Variants in TNS4 observed in about 807,000 individuals in gnomAD.
The protein encoded by TNS4 is tensin 4.
TNS4 carries 46 observed loss-of-function variants against 70.4 expected under a neutral mutation model. That is an observed-to-expected ratio of 0.65 (90% CI 0.52 to 0.84). The LOEUF is 0.84. Among genes scored for constraint, TNS4 ranks in the 40% least tolerant of loss-of-function variants. The pLI is 0.00. For missense variants in TNS4, 863 were observed against 907.0 expected, an observed-to-expected ratio of 0.95 and a Z score of 0.62; for synonymous variants, 390 against 366.6, an observed-to-expected ratio of 1.06 and a Z score of -0.73.
Position 40,488,686 on chromosome 17 carries a change from C to A in TNS4, c.723G>T (p.Ser241=). The change falls in exon 3 of 13, where the codon TCG becomes TCT. Residue 241 remains serine (S), a synonymous_variant. Coordinates refer to ENST00000254051, the MANE Select transcript of TNS4 (RefSeq NM_032865.6). ...GCGGGGAGCCCAAACCATGGGGGCT[C>A]GAGGCCTTGCTCCCCATGCAAGGGA... is the stretch of plus-strand genomic sequence containing the variant. ...ISIPCMGSKA[S]SPHGLGSPLV... 6.3e-7 allele frequency: 1 copy of A among 1,577,326 alleles called. No individual in the cohort carries two copies.
intron 2 of TNS4, among the ~76,000 whole-genome samples, chr17:40,491,069 G>C (rs527599647): frequency 8.5e-5 from 13 of 152,320 alleles, no homozygotes; most frequent in African/African-American, 2.9e-4. Context: ...GAAGAAAAGA[G>C]ATCTTGGAAT....
At chr17:40,482,751 C>A (rs971091500) in intron 6 of TNS4, among the ~76,000 whole-genome samples, 2 of 151,766 alleles carry the variant, frequency 1.3e-5, no homozygotes, top group African/African-American at 4.8e-5. Context: ...GCACTCCAGC[C>A]TGGGTGACAC....
intron 2 of TNS4, 110 bp from the exon 3 acceptor site, chr17:40,489,079 C>G (rs34879399): frequency 1.9e-6 from 2 of 1,073,006 alleles, no homozygotes; most frequent in East Asian, 2.6e-5. Context: ...TTTATAGAGA[C>G]GAGGACACTG....
rs1393994213 is a variant in TNS4, at chr17:40,478,330, C to T, written c.1983G>A (p.Trp661Ter). 5.6e-6 allele frequency: 9 copies of T among 1,609,760 alleles called. No homozygotes were observed. In the Admixed American group the frequency reaches 6.9e-5, roughly 12 times the overall value. The change falls in exon 12 of 13, where the codon TGG (tryptophan) becomes TGA (stop). Residue 661 changes from tryptophan (W) to a stop codon, truncating the protein, a stop_gained. Transcript: ENST00000254051. LOFTEE classifies it high-confidence loss of function. ...FCGMDPEQRK[W>*]QKYCKPSWIF... ...ACCAGGAGGGTTTGCAGTACTTCTGCCACCTGTAGGAAAAGAACATGATAC... is the reference window on the plus strand; with the variant it reads ...ACCAGGAGGGTTTGCAGTACTTCTGTCACCTGTAGGAAAAGAACATGATAC...
chr17:40,478,140 A>G lies in TNS4; in HGVS notation c.2006+167T>C. On this transcript the variant is annotated intron_variant, in intron 12 of 12. Transcript: ENST00000254051. ...GCTCATGTCACCCCCAACAGCCCAG[A>G]GGCTCTGAGGGCAGTCAAAGTCTTT... 4.8e-6 allele frequency: 4 copies of G among 839,738 alleles called. No homozygotes were observed. In the South Asian group the frequency reaches 6.2e-5, roughly 13 times the overall value. The allele number at this position is 839,738 out of a possible 1,614,324, so 52.0% of individuals were successfully genotyped here. A position where few individuals can be genotyped will look rare whatever the true frequency, so the allele number is the denominator to read the frequency against.
At chr17:40,481,516 C>G (rs996129507) in intron 8 of TNS4, among the ~76,000 whole-genome samples, 1 of 152,198 alleles carries the variant, frequency 6.6e-6, no homozygotes, top group South Asian at 2.1e-4. Flanking sequence ...AGGCGCCCAC[C>G]ACCACGCCCA....
At chr17:40,492,758 A>G (rs373913365) in intron 2 of TNS4, among the ~76,000 whole-genome samples, 4 of 151,970 alleles carry the variant, frequency 2.6e-5, no homozygotes, top group Non-Finnish European at 5.9e-5. Flanking sequence ...CCAGGTTGGC[A>G]GGGCATGGTG....
chr17:40,498,763 G>A lies in TNS4; in HGVS notation c.-95-2243C>T, dbSNP rs542940349. Among the ~76,000 whole-genome samples, 27 of 152,256 alleles carry A rather than the reference G, an allele frequency of 1.8e-4. 1 individual carries two copies. In the South Asian group the frequency reaches 5.6e-3, roughly 32 times the overall value. On this transcript the variant is annotated intron_variant, in intron 1 of 12. Transcript: ENST00000254051. ...AGGGTCTCACTTTGTTGCCCAGGCTGGTCTTGAACTCCTGGGCTCAAGTGC... is the reference window on the plus strand; with the variant it reads ...AGGGTCTCACTTTGTTGCCCAGGCTAGTCTTGAACTCCTGGGCTCAAGTGC...
chr17:40,486,925 G>T, intron 4 of TNS4, 111 bp downstream of exon 4: 1 of 1,393,058 alleles, frequency 7.2e-7, no homozygotes, highest in South Asian at 1.3e-5. Context: ...CATAGTGCCA[G>T]ACACACAATA....
intron 1 of TNS4, among the ~76,000 whole-genome samples, chr17:40,500,922 C>T (rs1034852702): frequency 1.3e-5 from 2 of 152,070 alleles, no homozygotes; most frequent in East Asian, 1.9e-4. Context: ...GCTCCCAGAG[C>T]GCTGGGAGGC....
chr17:40,480,661 C>T, intron 9 of TNS4, 39 bp downstream of exon 9: 1 of 1,480,020 alleles, frequency 6.8e-7, no homozygotes, highest in Non-Finnish European at 8.9e-7. Context: ...CCTCTTGGGG[C>T]ACAGCCAAGC....
Position 40,496,130 on chromosome 17 carries a change from T to G in TNS4, c.296A>C (p.Asp99Ala). The G allele has an allele frequency of 6.2e-7, 1 of 1,609,810 alleles. No homozygotes were observed. The highest frequency in any genetic ancestry group is 8.5e-7 in the Non-Finnish European group (1 of 1,178,400). ...GTPEDLDSYI[D>A]FSLESLNQMI... ...CTGATTGAGGCTCTCCAGTGAGAAG[T>G]CAATGTAGGAGTCAAGGTCCTCTGG... The change falls in exon 2 of 13, where the codon GAC becomes GCC. Residue 99 changes from aspartate to alanine, a missense_variant. Asp to Ala is a moderately radical substitution (Grantham distance 126). Transcript: ENST00000254051.
At position 40,488,956 on chromosome 17, in the gene TNS4, G is replaced by A. The variant is rs191899411; in HGVS notation, c.453C>T (p.Ile151=). The A allele has an allele frequency of 5.1e-6, 8 of 1,583,666 alleles. No homozygotes were observed. The highest frequency in any genetic ancestry group is 1.9e-5 in the Admixed American group (1 of 53,350). Residue 151 remains isoleucine, a synonymous_variant, in exon 3 of 13, where the codon ATC becomes ATT. Transcript: ENST00000254051. ...ACCTTGATCTGGCGGAGGTCACCTCGATGTACTTTATGTCTTTGGGGGAGA... is the reference window on the plus strand; with the variant it reads ...ACCTTGATCTGGCGGAGGTCACCTCAATGTACTTTATGTCTTTGGGGGAGA... ...EESEALDIKY[I]EVTSARSRCH... is the part of the protein sequence containing the mutation.
chr17:40,500,256 G>A (rs574851242), intron 1 of TNS4, among the ~76,000 whole-genome samples: 63 of 152,336 alleles, frequency 4.1e-4, no homozygotes, highest in African/African-American at 1.4e-3. Flanking sequence ...GGACAGACCT[G>A]GAGCTGAGCA....
chr17:40,480,675 G>A, intron 9 of TNS4, 25 bp downstream of exon 9: 1 of 1,497,600 alleles, frequency 6.7e-7, no homozygotes, highest in Non-Finnish European at 8.9e-7. Context: ...GCCAAGCTTG[G>A]CGCCTCCCTT....
At chr17:40,494,953 T>C (rs760001530) in intron 2 of TNS4, among the ~76,000 whole-genome samples, 18 of 151,926 alleles carry the variant, frequency 1.2e-4, no homozygotes, top group Admixed American at 2.6e-4. Context: ...TTGATCCTCA[T>C]CAAGAGCATA....
intron 2 of TNS4, 100 bp from the exon 3 acceptor site, chr17:40,489,069 T>C: frequency 8.3e-7 from 1 of 1,207,578 alleles, no homozygotes; most frequent in African/African-American, 1.5e-5. Context: ...TCCCCCCTCT[T>C]TTATAGAGAC....
Position 40,480,771 on chromosome 17 carries a change from G to T in TNS4, c.1673-3C>A, listed in dbSNP as rs755557940. The T allele has an allele frequency of 3.1e-6, 5 of 1,602,228 alleles. No homozygotes were observed. The highest frequency in any genetic ancestry group is 4.3e-6 in the Non-Finnish European group (5 of 1,175,140). On this transcript the variant is annotated splice_region_variant and splice_polypyrimidine_tract_variant and intron_variant, in intron 8 of 12. Transcript: ENST00000254051. ...GGCCCCATCTGCACCTCCCAGTTCTGAGCCAAGGCAAAGAAACAGGCCCCC... is the reference window on the plus strand; with the variant it reads ...GGCCCCATCTGCACCTCCCAGTTCTTAGCCAAGGCAAAGAAACAGGCCCCC...
At chr17:40,495,637 A>G (rs73983059) in intron 2 of TNS4, among the ~76,000 whole-genome samples, 3,503 of 152,236 alleles carry the variant, frequency 0.023, 130 homozygotes, top group African/African-American at 0.077. Flanking sequence ...CTGAAGTGAG[A>G]CACCCTAGGA....
Sources: allele counts gnomAD v4.1 joint callset (sites outside exome capture counted in the v4.1 genomes callset), GRCh38; gene constraint gnomAD v4.1.1; transcripts MANE v1.5; gene names NCBI Gene and HGNC (gene_info 2026-07-23, HGNC 2026-07-21).